The following TNNI3K variants were observed in gnomAD, a reference collection of about 807,000 sequenced individuals.
TNNI3K encodes the protein TNNI3 interacting kinase.
Under a neutral mutation model 114.5 loss-of-function variants are expected in TNNI3K, and 140 were observed. The observed-to-expected ratio is 1.22, with a 90% CI of 1.07 to 1.41. The LOEUF is 1.41. Ranked by LOEUF, TNNI3K falls within the 40% of genes most tolerant of loss-of-function variation. The pLI, the probability that TNNI3K is intolerant of heterozygous loss-of-function variation, is 0.00. For missense variants in TNNI3K, 1,125 were observed against 1,007.6 expected, an observed-to-expected ratio of 1.12 and a Z score of -1.58; for synonymous variants, 347 against 347.5, an observed-to-expected ratio of 1.00 and a Z score of 0.02.
At chr1:74,393,276 CA>C (rs11413460) in intron 17 of TNNI3K, among the ~76,000 whole-genome samples, 9 of 149,462 alleles carry the variant, frequency 6.0e-5, no homozygotes, top group African/African-American at 1.2e-4. Context: ...GCATTCTGGA[CA>C]AAAAAAAATG....
chr1:74,389,041 C>T (rs1194932879), intron 17 of TNNI3K, among the ~76,000 whole-genome samples: 3 of 152,226 alleles, frequency 2.0e-5, no homozygotes, highest in Non-Finnish European at 2.9e-5. Context: ...AGACCATGCC[C>T]CGACCTCAGT....
intron 13 of TNNI3K, 102 bp downstream of exon 13, chr1:74,368,066 T>A (rs1662374110): frequency 1.8e-6 from 2 of 1,138,706 alleles, no homozygotes; most frequent in Admixed American, 2.8e-5. Flanking sequence ...ATGATGACTA[T>A]TTTACAAGCA....
At chr1:74,247,477 ACAAG>A (rs1557446867) in intron 2 of TNNI3K, among the ~76,000 whole-genome samples, 1 of 152,210 alleles carries the variant, frequency 6.6e-6, no homozygotes, top group Admixed American at 6.5e-5. Context: ...GAAAGGGGAC[ACAAG>A]CAAGTTGCCG....
At chr1:74,484,674 G>C (rs1245856338) in intron 21 of TNNI3K, among the ~76,000 whole-genome samples, 1 of 152,144 alleles carries the variant, frequency 6.6e-6, no homozygotes, top group Non-Finnish European at 1.5e-5. Context: ...GGCATGAGGA[G>C]GTTGGTGTGA....
chr1:74,481,923 C>T (rs1668525342), intron 21 of TNNI3K, among the ~76,000 whole-genome samples: 1 of 152,118 alleles, frequency 6.6e-6, no homozygotes, highest in Non-Finnish European at 1.5e-5. Context: ...TTAGGAAATT[C>T]AGACTGCATC....
chr1:74,281,223 G>C (rs1570412728), intron 5 of TNNI3K, among the ~76,000 whole-genome samples: 1 of 152,104 alleles, frequency 6.6e-6, no homozygotes, highest in East Asian at 1.9e-4. Flanking sequence ...GTACTATGCT[G>C]ACTTCAGGTG....
intron 11 of TNNI3K, among the ~76,000 whole-genome samples, chr1:74,356,857 T>G (rs1266129406): frequency 6.6e-6 from 1 of 152,190 alleles, no homozygotes; most frequent in African/African-American, 2.4e-5. Flanking sequence ...TTGTTCAAAC[T>G]AATGTGCCAG....
At chr1:74,322,488 T>C (rs1398609391) in intron 5 of TNNI3K, among the ~76,000 whole-genome samples, 4 of 147,276 alleles carry the variant, frequency 2.7e-5, no homozygotes, top group Non-Finnish European at 6.0e-5. Flanking sequence ...TGTCATGGAG[T>C]CTCACTCTGT....
At chr1:74,418,317 T>C in intron 17 of TNNI3K, 1 of 229,252 alleles carries the variant, frequency 4.4e-6, no homozygotes, top group South Asian at 4.6e-5. Flanking sequence ...AGCCTGCCTC[T>C]AGGACTCTGA....
In TNNI3K at chr1:74,393,276, C is replaced by A. The variant is rs116625937; in HGVS notation, c.1772+22884C>A. On this transcript the variant is annotated intron_variant, in intron 17 of 24. Coordinates refer to ENST00000326637, the MANE Select transcript of TNNI3K (RefSeq NM_015978.3). ...AGATAGGATGGAAAAGCATTCTGGA[C>A]AAAAAAAAATGAGCATAGAAAGGAT... is the stretch of plus-strand genomic sequence containing the variant. Among the ~76,000 whole-genome samples, 326 of 149,550 alleles carry A rather than the reference C, an allele frequency of 2.2e-3. 1 individual carries two copies. The highest frequency in any genetic ancestry group is 7.5e-3 in the African/African-American group (302 of 40,224).
chr1:74,251,012 A>G (rs1172527246), intron 4 of TNNI3K, among the ~76,000 whole-genome samples: 2 of 152,196 alleles, frequency 1.3e-5, no homozygotes, highest in African/African-American at 4.8e-5. Context: ...ATGAGTGAAT[A>G]TGATTATTAT....
At chr1:74,338,027 A>T (rs1241628765) in intron 7 of TNNI3K, among the ~76,000 whole-genome samples, 1 of 152,042 alleles carries the variant, frequency 6.6e-6, no homozygotes, top group Non-Finnish European at 1.5e-5. Flanking sequence ...CTTTTTGTGG[A>T]CATATATGTT....
chr1:74,353,369 GT>G lies in TNNI3K; in HGVS notation c.1027+10del. 3 of 1,612,750 alleles carry G rather than the reference GT, an allele frequency of 1.9e-6. No individual in the cohort carries two copies. The highest frequency in any genetic ancestry group is 2.5e-6 in the Non-Finnish European group (3 of 1,179,506). On this transcript the variant is annotated intron_variant, in intron 10 of 24. Transcript: ENST00000326637. Reference sequence around the variant, plus strand: ...AAGGGATGGGCACACTGGTAAGACTGTGGTGAAAACACCACTAGTTCTATAT... The same window carrying G: ...AAGGGATGGGCACACTGGTAAGACTGGGTGAAAACACCACTAGTTCTATAT...
At chr1:74,316,131 A>G (rs192384333) in intron 5 of TNNI3K, among the ~76,000 whole-genome samples, 1 of 152,320 alleles carries the variant, frequency 6.6e-6, no homozygotes, top group Admixed American at 6.5e-5. Flanking sequence ...AATGGTGAAT[A>G]AAATCGCATA....
chr1:74,542,996 GAAAC>G (rs1341392438), intron 24 of TNNI3K, among the ~76,000 whole-genome samples: 1 of 148,446 alleles, frequency 6.7e-6, no homozygotes, highest in African/African-American at 2.5e-5. Flanking sequence ...CCAGGGAGAA[GAAAC>G]AAACAAAGCC....
At chr1:74,482,604 G>A (rs184559207) in intron 21 of TNNI3K, among the ~76,000 whole-genome samples, 26 of 152,210 alleles carry the variant, frequency 1.7e-4, no homozygotes, top group Admixed American at 2.0e-4. Flanking sequence ...CCACTCTGTC[G>A]TAACTCAAGC....
At chr1:74,448,427 C>T (rs1036035339) in intron 20 of TNNI3K, among the ~76,000 whole-genome samples, 16 of 147,516 alleles carry the variant, frequency 1.1e-4, no homozygotes, top group Non-Finnish European at 2.2e-4. Context: ...AATTGACTTC[C>T]TCTTTTCCTA....
At chr1:74,451,512 C>T (rs1666991411) in intron 20 of TNNI3K, among the ~76,000 whole-genome samples, 1 of 151,836 alleles carries the variant, frequency 6.6e-6, no homozygotes, top group African/African-American at 2.4e-5. Flanking sequence ...ACTTCTCCAT[C>T]CTAGTTCCCT....
chr1:74,493,656 G>T (rs944255571), intron 23 of TNNI3K, among the ~76,000 whole-genome samples: 1 of 152,136 alleles, frequency 6.6e-6, no homozygotes, highest in African/African-American at 2.4e-5. Flanking sequence ...TTTTGGATGA[G>T]CTTGACTCTG....
Sources: gnomAD v4.1 joint callset for allele counts (sites outside exome capture counted in the v4.1 genomes callset) on GRCh38, gnomAD v4.1.1 for gene constraint, MANE v1.5 for transcripts, NCBI Gene and HGNC (gene_info 2026-07-23, HGNC 2026-07-21) for gene names.